CX3CR1: variants seen among roughly 807,000 people sequenced by gnomAD.
CX3CR1 encodes the protein C-X3-C motif chemokine receptor 1, also known as CX3C chemokine receptor 1.
For synonymous variants in CX3CR1, 168 were observed against 178.5 expected (o/e 0.94, Z 0.47); for missense variants, 363 against 432.4 (o/e 0.84, Z 1.42).
chr3:39,266,190 G>A lies in CX3CR1; in HGVS notation c.320C>T (p.Ala107Val). The change falls in exon 2 of 2, where the codon GCC becomes GTC. Residue 107 changes from alanine (A) to valine (V), a missense_variant. By Grantham distance (64) the Ala-to-Val change is moderately conservative (BLOSUM62 0). Transcript: ENST00000399220. Reference protein sequence around the residue: ...LHNAMCKFTTAFFFIGFFGSI... With the variant: ...LHNAMCKFTTVFFFIGFFGSI... ...TCCAAAAAAGCCGATGAAGAAGAAG[G>A]CGGTAGTGAATTTGCACATGGCATT... The A allele has an allele frequency of 1.9e-6, 3 of 1,614,218 alleles. No individual in the cohort carries two copies. Among genetic ancestry groups the A allele is most frequent in the Non-Finnish European group, 2.5e-6 (3 of 1,180,038 alleles).
At chr3:39,284,401 A>G (rs1336992616), upstream of CX3CR1, among the ~76,000 whole-genome samples, 1 of 152,192 alleles carries the variant, frequency 6.6e-6, no homozygotes, top group Non-Finnish European at 1.5e-5. Flanking sequence ...ACCTCAAGTG[A>G]TCTGCCCACC....
chr3:39,265,506 C>A lies in CX3CR1; in HGVS notation c.1004G>T (p.Gly335Val). ...AGTAAAATTGCTGCTCAGAACACTT[C>A]CATGCCTGCTCCTTTGTGATTCAGA... is the stretch of plus-strand genomic sequence containing the variant. ...SSSESQRSRHGSVLSSNFTYH... is the reference protein window; with the variant it reads ...SSSESQRSRHVSVLSSNFTYH... The change falls in exon 2 of 2, where the codon GGA becomes GTA. Residue 335 changes from glycine (G) to valine (V), a missense_variant. By Grantham distance (109) the Gly-to-Val change is moderately radical. Coordinates refer to ENST00000399220, the MANE Select transcript of CX3CR1 (RefSeq NM_001337.4). 6.2e-7 allele frequency: 1 copy of A among 1,614,236 alleles called. No individual in the cohort carries two copies. Among genetic ancestry groups the A allele is most frequent in the Non-Finnish European group, 8.5e-7 (1 of 1,180,036 alleles).
chr3:39,287,627 C>A, the CX3CR1 span: 2 of 152,130 alleles, frequency 1.3e-5, no homozygotes, highest in Non-Finnish European at 2.9e-5. Flanking sequence ...GAATTGGGCA[C>A]AAGGAGGTAT....
chr3:39,282,276 C>G (rs1458266100), upstream of CX3CR1, among the ~76,000 whole-genome samples: 1 of 152,116 alleles, frequency 6.6e-6, no homozygotes, highest in Admixed American at 6.5e-5. Flanking sequence ...TCTGGCTCAG[C>G]GCTGGGAATT....
At chr3:39,282,322 G>A (rs565331045), upstream of CX3CR1, among the ~76,000 whole-genome samples, 49 of 152,096 alleles carry the variant, frequency 3.2e-4, 1 homozygote, top group African/African-American at 7.2e-4. Flanking sequence ...CCCCTCCCCC[G>A]TACTCTCACT....
upstream of CX3CR1, chr3:39,286,621 G>A (rs538656727): frequency 4.5e-5 from 6 of 134,706 alleles, no homozygotes; most frequent in Non-Finnish European, 7.6e-5. Context: ...ACTGCAGTCC[G>A]CAGTCCGGCC....
upstream of CX3CR1, among the ~76,000 whole-genome samples, chr3:39,280,656 T>A (rs1383881448): frequency 6.6e-6 from 1 of 151,578 alleles, no homozygotes; most frequent in Non-Finnish European, 1.5e-5. Flanking sequence ...AGGCATTTAG[T>A]GGCTCCCTAT....
At chr3:39,290,573 T>C in the CX3CR1 span, among the ~76,000 whole-genome samples, 2 of 152,190 alleles carry the variant, frequency 1.3e-5, no homozygotes, top group Admixed American at 1.3e-4. Context: ...AGCTGGAAGC[T>C]GAGTCACAGA....
intron 1 of CX3CR1, among the ~76,000 whole-genome samples, chr3:39,274,453 A>T (rs2040815624): frequency 7.2e-6 from 1 of 138,618 alleles, no homozygotes; most frequent in Non-Finnish European, 1.5e-5. Context: ...GGCCAAATGC[A>T]CACCCAACCC....
chr3:39,266,146 C>T lies in CX3CR1; in HGVS notation c.364G>A (p.Val122Ile), dbSNP rs143001773. The part of the protein sequence containing the change: ...GFFGSIFFIT[V>I]ISIDRYLAIV... Reference sequence around the variant, plus strand: ...GCCAGGTACCTATCAATGCTGATGACGGTGATGAAGAATATGCTTCCAAAA... The same window carrying T: ...GCCAGGTACCTATCAATGCTGATGATGGTGATGAAGAATATGCTTCCAAAA... Residue 122 changes from valine to isoleucine, a missense_variant, in exon 2 of 2, where the codon GTC (valine) becomes ATC (isoleucine). Val to Ile is a conservative substitution (Grantham distance 29, BLOSUM62 3). Transcript: ENST00000399220. 9.8e-4 allele frequency: 1,588 copies of T among 1,614,066 alleles called. 4 individuals carry two copies. The highest frequency in any genetic ancestry group is 1.3e-3 in the Non-Finnish European group (1,495 of 1,180,034).
intron 1 of CX3CR1, among the ~76,000 whole-genome samples, chr3:39,271,196 G>T (rs1473299533): frequency 6.6e-6 from 1 of 152,172 alleles, no homozygotes; most frequent in Non-Finnish European, 1.5e-5. Flanking sequence ...ATGAATATTT[G>T]CAGAAGGATA....
At chr3:39,267,777 A>G in intron 1 of CX3CR1, among the ~76,000 whole-genome samples, 1 of 152,114 alleles carries the variant, frequency 6.6e-6, no homozygotes, top group East Asian at 1.9e-4. Context: ...TTTGGTTTGG[A>G]CTTCCCCACT....
chr3:39,269,799 ACAGTGGGTGCATG>A (rs2040754245), intron 1 of CX3CR1, among the ~76,000 whole-genome samples: 1 of 152,312 alleles, frequency 6.6e-6, no homozygotes, highest in African/African-American at 2.4e-5. Flanking sequence ...CAGTGCTGGC[ACAGTGGGTGCATG>A]CAGTGGGTGC....
intron 1 of CX3CR1, among the ~76,000 whole-genome samples, chr3:39,268,686 T>G (rs1453066485): frequency 1.3e-5 from 2 of 152,214 alleles, no homozygotes; most frequent in Non-Finnish European, 2.9e-5. Flanking sequence ...GGAACTTCTG[T>G]GGACTCGGGC....
At chr3:39,289,871 G>A in the CX3CR1 span, among the ~76,000 whole-genome samples, 7 of 152,162 alleles carry the variant, frequency 4.6e-5, no homozygotes, top group East Asian at 1.9e-4. Flanking sequence ...GAGGCCTCAG[G>A]AGAAATCAAG....
intron 1 of CX3CR1, among the ~76,000 whole-genome samples, chr3:39,274,611 T>C (rs1246649923): frequency 2.0e-5 from 3 of 152,082 alleles, no homozygotes; most frequent in African/African-American, 7.2e-5. Flanking sequence ...AAATACTTTA[T>C]GGTATTTATT....
the CX3CR1 span, among the ~76,000 whole-genome samples, chr3:39,288,836 G>A: frequency 6.6e-6 from 1 of 152,166 alleles, no homozygotes; most frequent in African/African-American, 2.4e-5. Flanking sequence ...GGCTTAGGGC[G>A]AGATATTTCT....
chr3:39,292,290 T>C, the CX3CR1 span, among the ~76,000 whole-genome samples: 1 of 152,188 alleles, frequency 6.6e-6, no homozygotes, highest in African/African-American at 2.4e-5. Context: ...GGAGCTAGGC[T>C]GGAAGACCCG....
At chr3:39,277,648 G>A (rs2040854391) in intron 1 of CX3CR1, among the ~76,000 whole-genome samples, 1 of 152,164 alleles carries the variant, frequency 6.6e-6, no homozygotes, top group African/African-American at 2.4e-5. Context: ...AGGGTCTCTG[G>A]CTAGGGAGAA....
Sources: allele counts gnomAD v4.1 joint callset (sites outside exome capture counted in the v4.1 genomes callset), GRCh38; gene constraint gnomAD v4.1.1; transcripts MANE v1.5; gene names NCBI Gene and HGNC (gene_info 2026-07-23, HGNC 2026-07-21).